Variants in CAMK1D observed in about 807,000 individuals in gnomAD.
CAMK1D encodes the protein calcium/calmodulin dependent protein kinase ID.
Under a neutral mutation model 47.7 loss-of-function variants are expected in CAMK1D, and 9 were observed. The ratio of observed to expected loss-of-function variants is 0.19; its 90% CI spans 0.11 to 0.33. The LOEUF (loss-of-function observed/expected upper bound fraction) is 0.33. Among genes scored for constraint, CAMK1D ranks in the 10% least tolerant of loss-of-function variants. The pLI is 1.00. For missense variants in CAMK1D, 291 were observed against 488.7 expected (o/e 0.60, Z 3.81); for synonymous variants, 184 against 184.9 (o/e 0.99, Z 0.04).
At position 12,553,363 on chromosome 10, in the gene CAMK1D, G is replaced by A. The variant is rs1254701806; in HGVS notation, c.224+7G>A. 6.2e-7 allele frequency: 1 copy of A among 1,600,208 alleles called. No individual in the cohort carries two copies. Among genetic ancestry groups the A allele is most frequent in the African/African-American group, 1.3e-5 (1 of 74,618 alleles). On this transcript the variant is annotated splice_region_variant and intron_variant, in intron 2 of 10. Transcript: ENST00000619168. Reference sequence around the variant, plus strand: ...AGATAGCCGTCCTGAGAAAGTAAGTGCTGGAGGGCAACCCTCCTCCCTTCC... The same window carrying A: ...AGATAGCCGTCCTGAGAAAGTAAGTACTGGAGGGCAACCCTCCTCCCTTCC...
intron 3 of CAMK1D, among the ~76,000 whole-genome samples, chr10:12,687,130 A>AG (rs1039725218): frequency 1.3e-5 from 2 of 152,172 alleles, no homozygotes; most frequent in African/African-American, 4.8e-5. Context: ...AGAGACCTGA[A>AG]GTGGTCCACT....
chr10:12,560,415 T>A (rs1836898887), intron 2 of CAMK1D, among the ~76,000 whole-genome samples: 1 of 151,586 alleles, frequency 6.6e-6, no homozygotes, highest in African/African-American at 2.4e-5. Flanking sequence ...TAGTCGGGCA[T>A]GGTGGTGGGC....
chr10:12,766,290 CTG>C (rs2130921039), intron 4 of CAMK1D, among the ~76,000 whole-genome samples: 1 of 143,438 alleles, frequency 7.0e-6, no homozygotes, highest in East Asian at 2.0e-4. Context: ...GCCCCGTGCC[CTG>C]CCATCCCCAC....
intron 6 of CAMK1D, 43 bp from the exon 7 acceptor site, chr10:12,814,152 G>T (rs1292800891): frequency 1.6e-6 from 2 of 1,264,980 alleles, no homozygotes; most frequent in African/African-American, 1.5e-5. Flanking sequence ...TCACCACACT[G>T]GTTATGCAGA....
intron 1 of CAMK1D, among the ~76,000 whole-genome samples, chr10:12,548,694 G>A (rs533652307): frequency 5.9e-5 from 9 of 151,802 alleles, no homozygotes; most frequent in African/African-American, 2.2e-4. Flanking sequence ...CAAACTCCTG[G>A]GCTCAAGCGA....
intron 3 of CAMK1D, among the ~76,000 whole-genome samples, chr10:12,697,675 A>C (rs182767866): frequency 4.6e-5 from 7 of 152,342 alleles, no homozygotes; most frequent in Admixed American, 4.6e-4. Context: ...CTGGGATTGC[A>C]GGCGTGAGCC....
At chr10:12,728,853 C>T (rs1183461628) in intron 3 of CAMK1D, among the ~76,000 whole-genome samples, 9 of 152,294 alleles carry the variant, frequency 5.9e-5, no homozygotes, top group Middle Eastern at 3.4e-3. Context: ...GTGCCTCTGC[C>T]GTTGCTCCCT....
intron 2 of CAMK1D, among the ~76,000 whole-genome samples, chr10:12,655,284 A>G (rs1840088084): frequency 6.6e-6 from 1 of 152,114 alleles, no homozygotes; most frequent in Non-Finnish European, 1.5e-5. Context: ...GTGCCACACA[A>G]GAAGCCACTG....
intron 1 of CAMK1D, among the ~76,000 whole-genome samples, chr10:12,546,939 C>G (rs977881295): frequency 6.6e-6 from 1 of 151,702 alleles, no homozygotes; most frequent in Non-Finnish European, 1.5e-5. Context: ...GCACATGTAC[C>G]GTAAAACTTA....
intron 1 of CAMK1D, among the ~76,000 whole-genome samples, chr10:12,482,268 C>T (rs1834086598): frequency 1.3e-5 from 2 of 152,204 alleles, no homozygotes. Context: ...CCCAGCAGCA[C>T]TTTGGGAAGC....
chr10:12,707,226 T>C (rs1253412835), intron 3 of CAMK1D, among the ~76,000 whole-genome samples: 1 of 152,230 alleles, frequency 6.6e-6, no homozygotes, highest in East Asian at 1.9e-4. Flanking sequence ...TTAATTCCAG[T>C]TATTCAGCGT....
chr10:12,547,202 T>A (rs1196758427), intron 1 of CAMK1D, among the ~76,000 whole-genome samples: 1 of 151,908 alleles, frequency 6.6e-6, no homozygotes, highest in Admixed American at 6.5e-5. Context: ...CAAAGAACTT[T>A]AGGAAGGAGG....
chr10:12,486,272 C>T lies in CAMK1D; in HGVS notation c.93-66953C>T, dbSNP rs111737113. 3.1e-3 allele frequency among the ~76,000 whole-genome samples: 468 copies of T among 152,204 alleles called. 6 individuals carry two copies. Among genetic ancestry groups the T allele is most frequent in the African/African-American group, 0.011 (441 of 41,514 alleles). On this transcript the variant is annotated intron_variant, in intron 1 of 10. Transcript: ENST00000619168. ...CTCCCAGGTTCTGGCCATTCTCCTG[C>T]CTCAGCCTCTGGAGTAGCTGGGACT...
chr10:12,466,093 A>C (rs1424643095), intron 1 of CAMK1D, among the ~76,000 whole-genome samples: 1 of 151,516 alleles, frequency 6.6e-6, no homozygotes, highest in Non-Finnish European at 1.5e-5. Context: ...TGAGGAAGGA[A>C]GATCTCTTTA....
At chr10:12,577,213 C>A (rs1254557058) in intron 2 of CAMK1D, among the ~76,000 whole-genome samples, 1 of 152,196 alleles carries the variant, frequency 6.6e-6, no homozygotes, top group African/African-American at 2.4e-5. Flanking sequence ...GGTCCCCGGA[C>A]ACACAGCGAA....
chr10:12,477,747 C>T (rs1010125078), intron 1 of CAMK1D, among the ~76,000 whole-genome samples: 40 of 152,044 alleles, frequency 2.6e-4, no homozygotes, highest in South Asian at 1.7e-3. Flanking sequence ...AAGCTGAAGG[C>T]GGAGGGAGTG....
chr10:12,375,688 G>A (rs1838157010), intron 1 of CAMK1D, among the ~76,000 whole-genome samples: 1 of 152,168 alleles, frequency 6.6e-6, no homozygotes, highest in African/African-American at 2.4e-5. Flanking sequence ...AGGGTATCCT[G>A]CTGAATGCCA....
intron 3 of CAMK1D, among the ~76,000 whole-genome samples, chr10:12,715,956 C>T (rs1237630494): frequency 2.0e-5 from 3 of 151,998 alleles, no homozygotes; most frequent in Admixed American, 6.6e-5. Flanking sequence ...GTGATCCACC[C>T]GCCCCAGCCT....
chr10:12,556,460 G>A (rs1836764816), intron 2 of CAMK1D, among the ~76,000 whole-genome samples: 1 of 152,116 alleles, frequency 6.6e-6, no homozygotes, highest in African/African-American at 2.4e-5. Flanking sequence ...AGGGGGTGCT[G>A]TCTTCTTCCT....
Sources: gnomAD v4.1 joint callset for allele counts (sites outside exome capture counted in the v4.1 genomes callset) on GRCh38, gnomAD v4.1.1 for gene constraint, MANE v1.5 for transcripts, NCBI Gene and HGNC (gene_info 2026-07-23, HGNC 2026-07-21) for gene names.